The following PAM variants were observed in gnomAD, a reference collection of about 807,000 sequenced individuals.
PAM encodes the protein peptidyl-glycine alpha-amidating monooxygenase.
A neutral mutation model predicts 122.1 loss-of-function variants in PAM; 72 were observed. That is an observed-to-expected ratio of 0.59 (90% CI 0.49 to 0.72). The LOEUF (loss-of-function observed/expected upper bound fraction) is 0.72. Ranked by LOEUF, PAM falls within the 30% of genes least tolerant of loss-of-function variation. PAM has a pLI of 0.00. For synonymous variants in PAM, 389 were observed against 404.4 expected (o/e 0.96, Z 0.46); for missense variants, 1,106 against 1,183.7 (o/e 0.93, Z 0.96).
intron 3 of PAM, among the ~76,000 whole-genome samples, chr5:102,896,670 A>G (rs1796305475): frequency 6.6e-6 from 1 of 151,704 alleles, no homozygotes; most frequent in Non-Finnish European, 1.5e-5. Context: ...AATCTTCACT[A>G]TGACTGTTTC....
At chr5:102,959,049 T>C (rs1227042954) in intron 12 of PAM, among the ~76,000 whole-genome samples, 1 of 152,158 alleles carries the variant, frequency 6.6e-6, no homozygotes, top group Non-Finnish European at 1.5e-5. Context: ...TAATAACCCA[T>C]GTGAAGTAAG....
intron 7 of PAM, among the ~76,000 whole-genome samples, chr5:102,943,131 C>T (rs1755843881): frequency 6.6e-6 from 1 of 152,050 alleles, no homozygotes; most frequent in African/African-American, 2.4e-5. Flanking sequence ...CATTGGTTCC[C>T]TCAGGATCAG....
chr5:102,772,764 A>T (rs1472249732), intron 1 of PAM, among the ~76,000 whole-genome samples: 1 of 152,134 alleles, frequency 6.6e-6, no homozygotes, highest in African/African-American at 2.4e-5. Flanking sequence ...AATTTATGTG[A>T]CGGATGTTGA....
chr5:102,842,204 A>AT, intron 1 of PAM, among the ~76,000 whole-genome samples: 3 of 147,704 alleles, frequency 2.0e-5, no homozygotes, highest in Admixed American at 1.3e-4. Context: ...AATACAACCT[A>AT]AATATATATA....
intron 1 of PAM, among the ~76,000 whole-genome samples, chr5:102,805,131 T>C (rs1477470160): frequency 6.7e-6 from 1 of 149,566 alleles, no homozygotes; most frequent in Admixed American, 6.7e-5. Context: ...AGTGCAGTAG[T>C]GTGATCTCAG....
intron 15 of PAM, among the ~76,000 whole-genome samples, chr5:102,978,038 T>A (rs1376178394): frequency 6.6e-6 from 1 of 152,202 alleles, no homozygotes; most frequent in African/African-American, 2.4e-5. Flanking sequence ...TTGTGACTAT[T>A]ATTGCTACCA....
intron 1 of PAM, among the ~76,000 whole-genome samples, chr5:102,810,651 A>G (rs1056603585): frequency 1.3e-5 from 2 of 151,744 alleles, no homozygotes; most frequent in Non-Finnish European, 2.9e-5. Flanking sequence ...ACCAACATGG[A>G]GAACCCGTCT....
At chr5:102,804,109 A>G (rs149277226) in intron 1 of PAM, among the ~76,000 whole-genome samples, 1 of 152,184 alleles carries the variant, frequency 6.6e-6, no homozygotes, top group African/African-American at 2.4e-5. Context: ...GAGGAGGGAA[A>G]GTATGGGGAC....
intron 4 of PAM, among the ~76,000 whole-genome samples, chr5:102,909,437 G>C (rs1476935737): frequency 6.6e-6 from 1 of 151,636 alleles, no homozygotes; most frequent in Non-Finnish European, 1.5e-5. Flanking sequence ...ACATTTAAAG[G>C]AGCATTACAA....
chr5:102,766,925 G>GTTTTTTTTTTTTTT (rs1561386850), intron 1 of PAM, among the ~76,000 whole-genome samples: 2 of 36,564 alleles, frequency 5.5e-5, no homozygotes, highest in Non-Finnish European at 5.2e-5. Context: ...TTCAGTTGTG[G>GTTTTTTTTTTTTTT]ATTTTTTTTT....
At position 102,987,479 on chromosome 5, in the gene PAM, A is replaced by AAT. The variant is rs1233684509; in HGVS notation, c.1484-2789_1484-2788dup. The AAT allele has an allele frequency of 6.7e-6, 3 of 445,632 alleles. No homozygotes were observed. The Admixed American group carries it at 7.4e-5, about 11-fold the overall frequency. The allele number at this position is 445,632 out of a possible 1,614,324, so 27.6% of individuals were successfully genotyped here. ...TAGTGTTTGATAGCACAGCAGGGTA[A>AAT]ATATAGTTAACAACAATATATTGTC... On this transcript the variant is annotated intron_variant, in intron 15 of 25. Transcript: ENST00000438793.
chr5:103,025,254 C>G lies in PAM; in HGVS notation c.2609C>G (p.Thr870Arg), dbSNP rs1452832623. ...PGSGVPVVLITTLLVIPVVVL... is the reference protein window; with the variant it reads ...PGSGVPVVLIRTLLVIPVVVL... ...TCGGGAGTGCCTGTTGTTCTCATTA[C>G]AACCCTTCTGGTTATTCCGGTGGTT... Residue 870 changes from threonine to arginine, a missense_variant, in exon 24 of 26, where the codon ACA (threonine) becomes AGA (arginine). Coordinates refer to ENST00000438793, the MANE Select transcript of PAM (RefSeq NM_001177306.2). 6.2e-7 allele frequency: 1 copy of G among 1,613,652 alleles called. No individual in the cohort carries two copies. The highest frequency in any genetic ancestry group is 8.5e-7 in the Non-Finnish European group (1 of 1,179,718).
intron 14 of PAM, among the ~76,000 whole-genome samples, chr5:102,967,720 T>G (rs1178144217): frequency 1.3e-5 from 2 of 150,300 alleles, no homozygotes; most frequent in Non-Finnish European, 3.0e-5. Flanking sequence ...CTAGGCCTTT[T>G]TTTTTTTTTT....
At chr5:102,951,843 T>G (rs1176542923) in intron 12 of PAM, among the ~76,000 whole-genome samples, 2 of 152,114 alleles carry the variant, frequency 1.3e-5, no homozygotes. Flanking sequence ...TGCTTTTGGA[T>G]AAATTTGCTA....
intron 3 of PAM, among the ~76,000 whole-genome samples, chr5:102,869,645 T>C (rs1275233954): frequency 3.9e-5 from 6 of 152,154 alleles, no homozygotes; most frequent in Admixed American, 3.9e-4. Flanking sequence ...TTGTAAACTT[T>C]TATGAGAAAT....
chr5:102,998,852 T>C (rs149287726), intron 16 of PAM, among the ~76,000 whole-genome samples: 1 of 152,208 alleles, frequency 6.6e-6, no homozygotes, highest in South Asian at 2.1e-4. Flanking sequence ...TGTTTCTGAA[T>C]AATGAGGAAT....
intron 7 of PAM, among the ~76,000 whole-genome samples, chr5:102,927,216 C>T (rs1407370902): frequency 6.6e-6 from 1 of 152,194 alleles, no homozygotes; most frequent in Non-Finnish European, 1.5e-5. Context: ...ACACCTGTTG[C>T]TCTACCAGTG....
At chr5:102,768,754 G>A (rs1317608488) in intron 1 of PAM, among the ~76,000 whole-genome samples, 1 of 152,106 alleles carries the variant, frequency 6.6e-6, no homozygotes, top group Admixed American at 6.5e-5. Context: ...TGGATACTTA[G>A]GTTGTTTCCA....
intron 4 of PAM, among the ~76,000 whole-genome samples, chr5:102,912,207 G>A (rs1270791909): frequency 6.6e-6 from 1 of 151,972 alleles, no homozygotes; most frequent in Non-Finnish European, 1.5e-5. Context: ...CTTCTGAGGG[G>A]AGGAAGTCAT....
Sources: gnomAD v4.1 joint callset for allele counts (sites outside exome capture counted in the v4.1 genomes callset) on GRCh38, gnomAD v4.1.1 for gene constraint, MANE v1.5 for transcripts, NCBI Gene and HGNC (gene_info 2026-07-23, HGNC 2026-07-21) for gene names.